CUX1: variants seen among roughly 807,000 people sequenced by gnomAD.
The protein encoded by CUX1 is protein CASP.
A neutral mutation model predicts 158.8 loss-of-function variants in CUX1; 31 were observed. The observed-to-expected ratio is 0.20, with a 90% confidence interval of 0.15 to 0.26. The LOEUF (loss-of-function observed/expected upper bound fraction) is 0.26, where lower values mean the gene tolerates loss of function less well. CUX1 is among the 10% of genes least tolerant of loss of function. CUX1 has a pLI of 1.00. For synonymous variants in CUX1, 879 were observed against 862.1 expected, an observed-to-expected ratio of 1.02 and a Z score of -0.34; for missense variants, 1,589 against 2,014.6, an observed-to-expected ratio of 0.79 and a Z score of 4.04.
intron 2 of CUX1, among the ~76,000 whole-genome samples, chr7:101,991,855 A>G (rs1162180363): frequency 2.6e-5 from 4 of 152,056 alleles, no homozygotes; most frequent in Non-Finnish European, 5.9e-5. Context: ...TGAGTTCAGG[A>G]GTTCAAGACC....
At chr7:102,065,520 G>A (rs955944988) in intron 3 of CUX1, among the ~76,000 whole-genome samples, 3 of 152,190 alleles carry the variant, frequency 2.0e-5, no homozygotes, top group Non-Finnish European at 2.9e-5. Context: ...TCTGCGGAGC[G>A]GAGGGGACTT....
intron 21 of CUX1, 26 bp downstream of exon 21, chr7:102,227,695 T>G: frequency 6.3e-7 from 1 of 1,589,800 alleles, no homozygotes; most frequent in Non-Finnish European, 8.6e-7. Context: ...GGCTGCTGAG[T>G]CAGGAGGTGG....
At chr7:102,001,141 C>A (rs1816636249) in intron 2 of CUX1, among the ~76,000 whole-genome samples, 1 of 151,978 alleles carries the variant, frequency 6.6e-6, no homozygotes, top group East Asian at 1.9e-4. Flanking sequence ...TGTTAAAGAC[C>A]CTAGATTGCT....
Position 102,253,109 on chromosome 7 carries a change from A to G in CUX1, c.*4067A>G, listed in dbSNP as rs146283942. 2,522 of 985,508 alleles carry G rather than the reference A, an allele frequency of 2.6e-3. 8 individuals are homozygous for G. Among genetic ancestry groups the G allele is most frequent in the Non-Finnish European group, 2.8e-3 (2,353 of 829,964 alleles). The allele number at this position is 985,508 out of a possible 1,614,324, so 61.0% of individuals were successfully genotyped here. On this transcript the variant is annotated 3_prime_UTR_variant, in exon 24 of 24. Transcript: ENST00000292535. ...CCAAAGTACAAATACCTCCCTGCTC[A>G]GTTTCCTTCCTGTCGCCATCTTTGT...
At chr7:101,913,636 G>C (rs1456241916) in intron 1 of CUX1, among the ~76,000 whole-genome samples, 1 of 152,028 alleles carries the variant, frequency 6.6e-6, no homozygotes, top group African/African-American at 2.4e-5. Flanking sequence ...TCGGGGCTGG[G>C]ACCCCACCTT....
chr7:102,216,882 A>C (rs982812246), intron 20 of CUX1, among the ~76,000 whole-genome samples: 22 of 54,006 alleles, frequency 4.1e-4, no homozygotes, highest in Non-Finnish European at 8.4e-5. Context: ...CACACACATT[A>C]TCTCACACAC....
At chr7:101,984,128 A>G (rs1439671260) in intron 2 of CUX1, among the ~76,000 whole-genome samples, 1 of 28,298 alleles carries the variant, frequency 3.5e-5, no homozygotes, top group East Asian at 7.8e-4. Context: ...ATATATATAT[A>G]TACACACACA....
chr7:102,280,859 T>C, exon 20 of CUX1: 3 of 1,611,930 alleles, frequency 1.9e-6, no homozygotes, highest in Non-Finnish European at 2.5e-6. Context: ...ACCCTCAGCA[T>C]GGTGAGTCCC....
chr7:101,831,450 C>T lies in CUX1; in HGVS notation c.30+13781C>T, dbSNP rs146255671. On this transcript the variant is annotated intron_variant, in intron 1 of 23. Transcript: ENST00000292535. ...GGATTACAGGTGTGCACCACCACGC[C>T]GGGCTAATTTTCTGTATTTTTAGTA... Among the ~76,000 whole-genome samples the T allele has an allele frequency of 6.3e-3, 965 of 152,202 alleles. 3 individuals are homozygous for T. Among genetic ancestry groups the T allele is most frequent in the Non-Finnish European group, 1.0e-2 (677 of 68,016 alleles).
intron 8 of CUX1, among the ~76,000 whole-genome samples, chr7:102,150,357 T>C (rs1438981772): frequency 6.6e-6 from 1 of 152,136 alleles, no homozygotes; most frequent in Non-Finnish European, 1.5e-5. Flanking sequence ...GGTTTCATCA[T>C]GTTAGCCAGG....
At chr7:101,866,391 C>T (rs1011404913) in intron 1 of CUX1, among the ~76,000 whole-genome samples, 2 of 151,992 alleles carry the variant, frequency 1.3e-5, no homozygotes, top group Non-Finnish European at 2.9e-5. Context: ...GAATCTCGAA[C>T]CTGGGAGGTA....
chr7:101,876,021 G>A (rs1006487469), intron 1 of CUX1, among the ~76,000 whole-genome samples: 38 of 152,164 alleles, frequency 2.5e-4, no homozygotes, highest in African/African-American at 8.7e-4. Context: ...TATGTAAACA[G>A]AAAGCTAGGT....
At chr7:101,846,642 C>G (rs1478376902) in intron 1 of CUX1, among the ~76,000 whole-genome samples, 10 of 152,162 alleles carry the variant, frequency 6.6e-5, no homozygotes, top group African/African-American at 2.4e-4. Context: ...TCCTTTCTTA[C>G]ACGTAGTTCT....
At chr7:102,058,608 G>A (rs954480994) in intron 3 of CUX1, among the ~76,000 whole-genome samples, 7 of 152,112 alleles carry the variant, frequency 4.6e-5, no homozygotes, top group Non-Finnish European at 1.0e-4. Context: ...ATGGTGGTCT[G>A]GAACCAAACC....
chr7:101,892,831 G>T (rs1233053849), intron 1 of CUX1, among the ~76,000 whole-genome samples: 1 of 151,994 alleles, frequency 6.6e-6, no homozygotes, highest in African/African-American at 2.4e-5. Flanking sequence ...TAGATGAAAG[G>T]CCCCCAAAAT....
intron 1 of CUX1, among the ~76,000 whole-genome samples, chr7:101,838,405 C>G (rs915946834): frequency 3.3e-5 from 5 of 151,042 alleles, no homozygotes; most frequent in Non-Finnish European, 7.4e-5. Flanking sequence ...GCTGGGATTA[C>G]AGGCGTGAGC....
At position 102,248,544 on chromosome 7, in the gene CUX1, C is replaced by T. The variant is rs781987726; in HGVS notation, c.4020C>T (p.Gly1340=). 3 of 1,506,804 alleles carry T rather than the reference C, an allele frequency of 2.0e-6. No homozygotes were observed. Among genetic ancestry groups the T allele is most frequent in the African/African-American group, 1.4e-5 (1 of 69,882 alleles). 93.3% of individuals were successfully genotyped at this position (1,506,804 alleles called of 1,614,324 possible). A position where few individuals can be genotyped will look rare whatever the true frequency, so the allele number is the denominator to read the frequency against. Residue 1340 remains glycine (G), a synonymous_variant, in exon 24 of 24, where the codon GGC becomes GGT. Transcript: ENST00000292535. The surrounding 1 kb of genome is among the most constrained non-coding windows in gnomAD (Gnocchi z 5.8). ...APSSEGDSCD[G]VEATEGPGSA... ...GCTCGGAGGGCGACAGCTGCGACGG[C>T]GTGGAGGCCACTGAGGGCCCAGGCA...
chr7:101,836,019 C>T (rs554784449), intron 1 of CUX1, among the ~76,000 whole-genome samples: 34 of 152,190 alleles, frequency 2.2e-4, no homozygotes, highest in African/African-American at 6.8e-4. Flanking sequence ...CGAGCCACCG[C>T]GCCCAGTTGC....
intron 2 of CUX1, among the ~76,000 whole-genome samples, chr7:101,981,652 G>T (rs1159402648): frequency 1.3e-5 from 2 of 151,022 alleles, no homozygotes; most frequent in African/African-American, 4.9e-5. Flanking sequence ...TCGCTCTGTC[G>T]CCCAGGCTGG....
Sources: gnomAD v4.1 joint callset for allele counts (sites outside exome capture counted in the v4.1 genomes callset) on GRCh38, gnomAD v4.1.1 for gene constraint, Gnocchi (gnomAD v3.1) non-coding constraint, MANE v1.5 for transcripts, NCBI Gene and HGNC (gene_info 2026-07-23, HGNC 2026-07-21) for gene names.